BMERB1: variants seen among roughly 807,000 people sequenced by gnomAD.
BMERB1 encodes bMERB domain containing 1, also known as bMERB domain-containing protein 1.
A neutral mutation model predicts 23.6 loss-of-function variants in BMERB1; 12 were observed. The ratio of observed to expected loss-of-function variants is 0.51; its 90% CI spans 0.33 to 0.82. The LOEUF (loss-of-function observed/expected upper bound fraction) is 0.82, where lower values mean the gene tolerates loss of function less well. Among genes scored for constraint, BMERB1 ranks in the 40% least tolerant of loss-of-function variants. The pLI is 0.03. For synonymous variants in BMERB1, 122 were observed against 96.6 expected (o/e 1.26, Z -1.54); for missense variants, 247 against 255.4 (o/e 0.97, Z 0.22).
intron 2 of BMERB1, among the ~76,000 whole-genome samples, chr16:15,517,940 TGTGG>T (rs2051791189): frequency 6.7e-6 from 1 of 150,362 alleles, no homozygotes; most frequent in Admixed American, 6.7e-5. Context: ...TGTGTGCATG[TGTGG>T]GTGTGTGTGT....
chr16:15,436,093 G>A (rs1198034291), intron 1 of BMERB1, among the ~76,000 whole-genome samples: 1 of 151,992 alleles, frequency 6.6e-6, no homozygotes, highest in East Asian at 1.9e-4. Context: ...TGGAATACAT[G>A]AGATATTTTG....
At chr16:15,437,339 A>G (rs777022890) in intron 1 of BMERB1, among the ~76,000 whole-genome samples, 27 of 152,118 alleles carry the variant, frequency 1.8e-4, no homozygotes, top group Admixed American at 9.2e-4. Flanking sequence ...CTCTGCCTTC[A>G]TTTTCTGAAA....
At chr16:15,562,839 C>T (rs1314972320) in intron 2 of BMERB1, among the ~76,000 whole-genome samples, 4 of 152,210 alleles carry the variant, frequency 2.6e-5, no homozygotes, top group Admixed American at 2.0e-4. Context: ...CACGCTCATT[C>T]GAGGCAGCTG....
intron 3 of BMERB1, among the ~76,000 whole-genome samples, chr16:15,573,196 C>T (rs1180924618): frequency 6.6e-6 from 1 of 152,152 alleles, no homozygotes; most frequent in Non-Finnish European, 1.5e-5. Flanking sequence ...GCCAGGAGGA[C>T]TGGGCAGCTA....
chr16:15,527,743 A>T (rs188808534), intron 2 of BMERB1, among the ~76,000 whole-genome samples: 4 of 152,282 alleles, frequency 2.6e-5, no homozygotes, highest in Non-Finnish European at 4.4e-5. Context: ...TGTCTCAAAG[A>T]TACCTGTAAC....
intron 2 of BMERB1, among the ~76,000 whole-genome samples, chr16:15,553,238 C>T (rs2030147345): frequency 6.6e-6 from 1 of 152,166 alleles, no homozygotes; most frequent in Non-Finnish European, 1.5e-5. Context: ...GAACTCGTGA[C>T]CTGAATTGAT....
intron 1 of BMERB1, among the ~76,000 whole-genome samples, chr16:15,506,589 A>G (rs1034327899): frequency 7.2e-5 from 11 of 152,096 alleles, no homozygotes; most frequent in Admixed American, 6.6e-5. Flanking sequence ...CCAGATCACT[A>G]TATGTGGACA....
intron 1 of BMERB1, among the ~76,000 whole-genome samples, chr16:15,497,096 A>T (rs754452225): frequency 6.6e-6 from 1 of 152,168 alleles, no homozygotes; most frequent in Non-Finnish European, 1.5e-5. Flanking sequence ...CACTGTTACC[A>T]AAACACCAGG....
At chr16:15,535,041 G>A (rs935814486) in intron 2 of BMERB1, among the ~76,000 whole-genome samples, 1 of 152,126 alleles carries the variant, frequency 6.6e-6, no homozygotes, top group Non-Finnish European at 1.5e-5. Flanking sequence ...CTTCTAGTCT[G>A]TGCTGCAATA....
intron 5 of BMERB1, among the ~76,000 whole-genome samples, chr16:15,585,271 T>C (rs1401785598): frequency 6.6e-6 from 1 of 152,206 alleles, no homozygotes; most frequent in Non-Finnish European, 1.5e-5. Context: ...CCTTCTCTAT[T>C]GGATTATGGG....
intron 2 of BMERB1, among the ~76,000 whole-genome samples, chr16:15,558,353 G>A (rs2030324756): frequency 6.6e-6 from 1 of 152,134 alleles, no homozygotes; most frequent in East Asian, 1.9e-4. Context: ...GTGGTCTAAA[G>A]TGTGGGAAGA....
intron 1 of BMERB1, among the ~76,000 whole-genome samples, chr16:15,509,229 C>T (rs970611992): frequency 6.7e-6 from 1 of 148,252 alleles, no homozygotes; most frequent in African/African-American, 2.5e-5. Flanking sequence ...ATACTCATAT[C>T]GTGGGGTGGT....
intron 1 of BMERB1, among the ~76,000 whole-genome samples, chr16:15,437,916 C>T (rs991832705): frequency 2.0e-5 from 3 of 150,994 alleles, no homozygotes; most frequent in Non-Finnish European, 4.4e-5. Context: ...CGAGATTGCA[C>T]CACTGCACTC....
At chr16:15,504,663 G>C (rs2051565971) in intron 1 of BMERB1, among the ~76,000 whole-genome samples, 1 of 151,728 alleles carries the variant, frequency 6.6e-6, no homozygotes, top group Non-Finnish European at 1.5e-5. Context: ...CTGTTGCCCA[G>C]GCTGGTCTTA....
At chr16:15,496,695 C>T (rs957787824) in intron 1 of BMERB1, among the ~76,000 whole-genome samples, 13 of 152,078 alleles carry the variant, frequency 8.5e-5, no homozygotes, top group African/African-American at 2.2e-4. Flanking sequence ...CCCGCCACCA[C>T]GCCCGGCTAA....
chr16:15,480,015 A>G (rs1176565008), intron 1 of BMERB1, among the ~76,000 whole-genome samples: 1 of 147,282 alleles, frequency 6.8e-6, no homozygotes, highest in Non-Finnish European at 1.5e-5. Context: ...TATATATAAT[A>G]TATATATAAT....
At chr16:15,462,841 A>G (rs2051147404) in intron 1 of BMERB1, among the ~76,000 whole-genome samples, 1 of 152,150 alleles carries the variant, frequency 6.6e-6, no homozygotes. Context: ...GATTTGAAAG[A>G]TTAGTCAGTG....
chr16:15,530,961 A>G (rs921707291), intron 2 of BMERB1, among the ~76,000 whole-genome samples: 30 of 134,188 alleles, frequency 2.2e-4, no homozygotes, highest in African/African-American at 8.3e-4. Flanking sequence ...GCTGGATTGC[A>G]GTGGCTCAAT....
Position 15,575,356 on chromosome 16 carries a change from TC to T in BMERB1, c.305-5859del, listed in dbSNP as rs145482080. Among the ~76,000 whole-genome samples the T allele has an allele frequency of 9.2e-3, 1,398 of 152,342 alleles. 23 individuals carry two copies. The highest frequency in any genetic ancestry group is 0.03 in the African/African-American group (1,261 of 41,570). ...AACAAAACATCTCCAGATTCTAACT[TC>T]CTTGGCTATTGTTTTAGGCTACTAT... is the stretch of plus-strand genomic sequence containing the variant. On this transcript the variant is annotated intron_variant, in intron 3 of 5. Transcript: ENST00000300006.
Sources: gnomAD v4.1 joint callset for allele counts (sites outside exome capture counted in the v4.1 genomes callset) on GRCh38, gnomAD v4.1.1 for gene constraint, MANE v1.5 for transcripts, NCBI Gene and HGNC (gene_info 2026-07-23, HGNC 2026-07-21) for gene names.